PNO1: variants seen among roughly 807,000 people sequenced by gnomAD.
PNO1 encodes the protein RNA-binding protein PNO1.
Under a neutral mutation model 28.4 loss-of-function variants are expected in PNO1, and 16 were observed. That is an observed-to-expected ratio of 0.56 (90% CI 0.38 to 0.85). The LOEUF is 0.85. Among genes scored for constraint, PNO1 ranks in the 40% least tolerant of loss-of-function variants. The pLI, the probability that PNO1 is intolerant of heterozygous loss-of-function variation, is 0.00. For missense variants in PNO1, 304 were observed against 312.2 expected (o/e 0.97, Z 0.20); for synonymous variants, 115 against 110.8 (o/e 1.04, Z -0.24).
rs554920169 is a variant in PNO1, at chr2:68,164,580, A to G, written c.620+1917A>G. ...TGGGAGGCCAAGGTGGGAGGAAGGA[A>G]TGCTTGAGCCCTGAAGTTCAAGACC... On this transcript the variant is annotated intron_variant, in intron 5 of 6. Transcript: ENST00000263657. Among the ~76,000 whole-genome samples, 8 of 151,570 alleles carry G rather than the reference A, an allele frequency of 5.3e-5. No homozygotes were observed. The South Asian group carries it at 1.7e-3, about 32-fold the overall frequency.
In PNO1 at chr2:68,158,389, G is replaced by T. The variant is rs759371692; in HGVS notation, c.217G>T (p.Glu73Ter). ...LCGDGLLSGK[E>*]ETRKIPVPAN... is the part of the protein sequence containing the mutation. ...GTTCTTTTATTTACAGAGTGGGAAA[G>T]AAGAAACAAGGAAAATTCCAGTCCC... The change falls in exon 2 of 7, where the codon GAA becomes TAA. Residue 73 changes from glutamate (E) to a stop codon, truncating the protein, a stop_gained. Transcript: ENST00000263657. LOFTEE classifies it high-confidence loss of function. 6.2e-7 allele frequency: 1 copy of T among 1,610,618 alleles called. No individual in the cohort carries two copies. Among genetic ancestry groups the T allele is most frequent in the Non-Finnish European group, 8.5e-7 (1 of 1,178,766 alleles).
At chr2:68,163,984 T>C (rs1463905033) in intron 5 of PNO1, among the ~76,000 whole-genome samples, 6 of 152,216 alleles carry the variant, frequency 3.9e-5, no homozygotes, top group African/African-American at 1.4e-4. Context: ...TCAATTTTGC[T>C]CCATACTGAA....
At chr2:68,167,847 C>T (rs1674031762) in intron 5 of PNO1, among the ~76,000 whole-genome samples, 2 of 152,184 alleles carry the variant, frequency 1.3e-5, no homozygotes, top group Non-Finnish European at 2.9e-5. Context: ...GCTTTAGATC[C>T]TTCATTTTCC....
Position 68,175,341 on chromosome 2 carries a change from C to G in PNO1, c.*539C>G, listed in dbSNP as rs956576931. On this transcript the variant is annotated 3_prime_UTR_variant, in exon 7 of 7. Coordinates refer to ENST00000263657, the MANE Select transcript of PNO1 (RefSeq NM_020143.4). Reference sequence around the variant, plus strand: ...GTGGTGCAATCTCAGCTCACTGCAGCCTCTGCCTCCTGAGTTCAAGTGATC... The same window carrying G: ...GTGGTGCAATCTCAGCTCACTGCAGGCTCTGCCTCCTGAGTTCAAGTGATC... The G allele has an allele frequency of 2.0e-5, 3 of 152,206 alleles. No homozygotes were observed. Among genetic ancestry groups the G allele is most frequent in the African/African-American group, 7.2e-5 (3 of 41,398 alleles). The allele number at this position is 152,206 out of a possible 1,614,324, so 9.4% of individuals were successfully genotyped here. A position where few individuals can be genotyped will look rare whatever the true frequency, so the allele number is the denominator to read the frequency against.
chr2:68,171,785 C>T (rs1475402181), intron 5 of PNO1, among the ~76,000 whole-genome samples: 1 of 151,896 alleles, frequency 6.6e-6, no homozygotes, highest in African/African-American at 2.4e-5. Context: ...GGCTTTTACT[C>T]GGAGTGAATA....
At chr2:68,167,303 G>T (rs1293291411) in intron 5 of PNO1, among the ~76,000 whole-genome samples, 1 of 152,166 alleles carries the variant, frequency 6.6e-6, no homozygotes. Flanking sequence ...GGGTTCTTGG[G>T]TGGCTGGGAC....
At chr2:68,162,896 A>C (rs1249039784) in intron 5 of PNO1, among the ~76,000 whole-genome samples, 1 of 152,232 alleles carries the variant, frequency 6.6e-6, no homozygotes, top group African/African-American at 2.4e-5. Flanking sequence ...CATGGTCAGA[A>C]CACACATTAG....
intron 5 of PNO1, among the ~76,000 whole-genome samples, chr2:68,170,851 T>C (rs974707457): frequency 6.6e-6 from 1 of 152,014 alleles, no homozygotes; most frequent in East Asian, 1.9e-4. Flanking sequence ...CTTAAAAAAT[T>C]ATTTGTCTCT....
At chr2:68,171,738 A>C (rs1674137434) in intron 5 of PNO1, among the ~76,000 whole-genome samples, 1 of 152,144 alleles carries the variant, frequency 6.6e-6, no homozygotes, top group South Asian at 2.1e-4. Flanking sequence ...ATGAGTCAAA[A>C]ATAATAGGGC....
chr2:68,172,203 G>T (rs925793607), intron 5 of PNO1, among the ~76,000 whole-genome samples: 1 of 152,196 alleles, frequency 6.6e-6, no homozygotes, highest in Non-Finnish European at 1.5e-5. Flanking sequence ...CTTCACAGGT[G>T]ATCTGTAGGG....
At position 68,164,053 on chromosome 2, in the gene PNO1, A is replaced by G. The variant is rs546160353; in HGVS notation, c.620+1390A>G. Among the ~76,000 whole-genome samples the G allele has an allele frequency of 4.1e-4, 62 of 152,380 alleles. 1 individual carries two copies. The East Asian group carries it at 0.011, about 27-fold the overall frequency. ...CATTCTTTACACTTTAAGGATAACT[A>G]TACTACTGTGTTGGTGGCCCTCTTT... On this transcript the variant is annotated intron_variant, in intron 5 of 6. Transcript: ENST00000263657.
At chr2:68,158,184 G>A (rs752446782) in intron 1 of PNO1, 43 bp downstream of exon 1, 1 of 1,529,406 alleles carries the variant, frequency 6.5e-7, no homozygotes, top group Non-Finnish European at 8.8e-7. Flanking sequence ...GCAAGGGCCA[G>A]ACGCGGATCA....
At chr2:68,162,163 G>A in intron 3 of PNO1, 102 bp from the exon 4 acceptor site, 1 of 866,754 alleles carries the variant, frequency 1.2e-6, no homozygotes, top group Non-Finnish European at 1.9e-6. Flanking sequence ...AAGCTTTCTA[G>A]CTCTAGAGTT....
Position 68,173,354 on chromosome 2 carries a change from C to T in PNO1, c.628C>T (p.His210Tyr). The T allele has an allele frequency of 1.9e-6, 3 of 1,597,110 alleles. No homozygotes were observed. Among genetic ancestry groups the T allele is most frequent in the Non-Finnish European group, 2.6e-6 (3 of 1,164,972 alleles). Residue 210 changes from histidine (H) to tyrosine (Y), a missense_variant, in exon 6 of 7, where the codon CAC (histidine) becomes TAC (tyrosine). By Grantham distance (83) the His-to-Tyr change is moderately conservative. Transcript: ENST00000263657. Reference sequence around the variant, plus strand: ...TCATTTTATTTCTTTCAGGAAAGTTCACATCCTTGGCTCCTTCCAAAATAT... The same window carrying T: ...TCATTTTATTTCTTTCAGGAAAGTTTACATCCTTGGCTCCTTCCAAAATAT... ...TRIVLADVKV[H>Y]ILGSFQNIKM...
intron 5 of PNO1, chr2:68,173,027 C>A (rs1674170265): frequency 4.6e-6 from 1 of 216,582 alleles, no homozygotes; most frequent in Admixed American, 5.8e-5. Flanking sequence ...TCATGATTTT[C>A]CAGCATTTTT....
chr2:68,170,697 G>A (rs957137908), intron 5 of PNO1, among the ~76,000 whole-genome samples: 1 of 135,880 alleles, frequency 7.4e-6, no homozygotes, highest in South Asian at 2.3e-4. Flanking sequence ...GCAGTGAGCC[G>A]AGATTGCGCC....
chr2:68,165,619 C>T (rs930245485), intron 5 of PNO1, among the ~76,000 whole-genome samples: 2 of 144,196 alleles, frequency 1.4e-5, no homozygotes, highest in Non-Finnish European at 3.0e-5. Flanking sequence ...GAGGCTAAGG[C>T]GGGTGGATCA....
intron 2 of PNO1, among the ~76,000 whole-genome samples, chr2:68,159,254 ATGTGTGTGTG>A (rs71825244): frequency 2.7e-5 from 4 of 150,128 alleles, no homozygotes; most frequent in South Asian, 2.1e-4. Flanking sequence ...ATGCATATAT[ATGTGTGTGTG>A]TGTGTGTGTG....
chr2:68,162,512 GCTTGCCTCCTGAGAT>G lies in PNO1; in HGVS notation c.503-28_503-14del, dbSNP rs770472064. Reference sequence around the variant, plus strand: ...GTGGAATGGGTGGTACACTAGAATGGCTTGCCTCCTGAGATCTTGCTTTTCTTGTTTAGTTAAACC... The same window carrying G: ...GTGGAATGGGTGGTACACTAGAATGGCTTGCTTTTCTTGTTTAGTTAAACC... On this transcript the variant is annotated intron_variant, in intron 4 of 6. Coordinates refer to ENST00000263657, the MANE Select transcript of PNO1 (RefSeq NM_020143.4). 9 of 1,437,186 alleles carry G rather than the reference GCTTGCCTCCTGAGAT, an allele frequency of 6.3e-6. No homozygotes were observed. The Admixed American group carries it at 1.5e-4, about 24-fold the overall frequency. The allele number at this position is 1,437,186 out of a possible 1,614,324, so 89.0% of individuals were successfully genotyped here.
Sources: gnomAD v4.1 joint callset for allele counts (sites outside exome capture counted in the v4.1 genomes callset) on GRCh38, gnomAD v4.1.1 for gene constraint, MANE v1.5 for transcripts, NCBI Gene and HGNC (gene_info 2026-07-23, HGNC 2026-07-21) for gene names.